Variants in HPSE2 observed in about 807,000 individuals in gnomAD.
The protein encoded by HPSE2 is heparanase 2 (inactive).
HPSE2 carries 38 observed loss-of-function variants against 60.5 expected under a neutral mutation model. The ratio of observed to expected loss-of-function variants is 0.63; its 90% CI spans 0.48 to 0.82. HPSE2 has a LOEUF of 0.82. HPSE2 is among the 40% of genes least tolerant of loss of function. The probability of loss-of-function intolerance (pLI) is 0.00; values close to 1 mark genes in which losing one functional copy is unlikely to be tolerated. For synonymous variants in HPSE2, 295 were observed against 293.2 expected (o/e 1.01, Z -0.06); for missense variants, 713 against 740.4 (o/e 0.96, Z 0.43).
intron 3 of HPSE2, among the ~76,000 whole-genome samples, chr10:99,119,397 A>G (rs1051815876): frequency 2.0e-5 from 3 of 152,218 alleles, no homozygotes; most frequent in Non-Finnish European, 4.4e-5. Context: ...GAGGTAAAAA[A>G]TCTCTATAAG....
intron 2 of HPSE2, among the ~76,000 whole-genome samples, chr10:99,171,712 T>C (rs982572180): frequency 5.9e-5 from 9 of 152,180 alleles, no homozygotes; most frequent in African/African-American, 1.4e-4. Flanking sequence ...TGGAAGTTAA[T>C]TGAATAATGG....
intron 3 of HPSE2, among the ~76,000 whole-genome samples, chr10:98,846,953 G>C (rs923560626): frequency 6.6e-6 from 1 of 152,118 alleles, no homozygotes. Context: ...GCAAATCAGA[G>C]GGTGTGTATA....
chr10:98,762,392 C>G (rs943615393), intron 3 of HPSE2, among the ~76,000 whole-genome samples: 3 of 151,840 alleles, frequency 2.0e-5, no homozygotes, highest in Non-Finnish European at 4.4e-5. Flanking sequence ...AGGAGAGAGA[C>G]AGAGAGAAAA....
intron 3 of HPSE2, among the ~76,000 whole-genome samples, chr10:98,988,010 GA>G (rs1183075374): frequency 2.6e-5 from 4 of 152,182 alleles, no homozygotes; most frequent in Non-Finnish European, 4.4e-5. Flanking sequence ...CAAACAAATG[GA>G]AGAACATTCC....
chr10:99,178,699 A>G (rs1005764528), intron 2 of HPSE2, among the ~76,000 whole-genome samples: 1 of 152,208 alleles, frequency 6.6e-6, no homozygotes, highest in Non-Finnish European at 1.5e-5. Context: ...TACAAAGAGG[A>G]GCTGGTACCA....
intron 3 of HPSE2, among the ~76,000 whole-genome samples, chr10:99,046,453 C>T (rs967679534): frequency 6.6e-6 from 1 of 151,926 alleles, no homozygotes; most frequent in Non-Finnish European, 1.5e-5. Flanking sequence ...TACTGTTATT[C>T]AACATAGTAC....
At chr10:98,484,517 G>A (rs1050053949) in intron 10 of HPSE2, among the ~76,000 whole-genome samples, 5 of 152,212 alleles carry the variant, frequency 3.3e-5, no homozygotes, top group Admixed American at 6.5e-5. Context: ...GATTACAGGC[G>A]TTAGACACCA....
At chr10:98,461,403 T>C (rs1045834212) in intron 11 of HPSE2, among the ~76,000 whole-genome samples, 2 of 146,494 alleles carry the variant, frequency 1.4e-5, no homozygotes, top group African/African-American at 5.1e-5. Context: ...AGGCATGGGG[T>C]GGGAGAATTG....
At position 98,742,976 on chromosome 10, in the gene HPSE2, T is replaced by TTA. The variant is rs199884154; in HGVS notation, c.784+906_784+907insTA. On this transcript the variant is annotated intron_variant, in intron 4 of 11. Transcript: ENST00000370552. Reference sequence around the variant, plus strand: ...CTTCTTTTTTTTCCTTTTCTTTTCTTTTTTTTTTTTTTTTTTGAGATGGAG... The same window carrying TTA: ...CTTCTTTTTTTTCCTTTTCTTTTCTTTATTTTTTTTTTTTTTTTGAGATGGAG... Among the ~76,000 whole-genome samples, 112 of 20,596 alleles carry TTA rather than the reference T, an allele frequency of 5.4e-3. 1 individual carries two copies. The highest frequency in any genetic ancestry group is 0.014 in the African/African-American group (95 of 6,562). The allele number at this position is 20,596 out of a possible 152,430, so 13.5% of individuals were successfully genotyped here.
chr10:98,489,478 T>C (rs1941562288), intron 10 of HPSE2, among the ~76,000 whole-genome samples: 1 of 152,222 alleles, frequency 6.6e-6, no homozygotes, highest in Admixed American at 6.5e-5. Context: ...ACTTAGCCTC[T>C]TAATTTTTAA....
chr10:99,170,982 G>A (rs890270505), intron 2 of HPSE2, among the ~76,000 whole-genome samples: 1 of 152,174 alleles, frequency 6.6e-6, no homozygotes, highest in Non-Finnish European at 1.5e-5. Flanking sequence ...ATTATTTGAA[G>A]TATACAGGAG....
intron 2 of HPSE2, among the ~76,000 whole-genome samples, chr10:99,204,471 G>T (rs530787399): frequency 6.6e-6 from 1 of 152,168 alleles, no homozygotes; most frequent in East Asian, 1.9e-4. Flanking sequence ...AAAATGCACA[G>T]ACATCAATGT....
At chr10:99,004,954 C>T (rs1466622241) in intron 3 of HPSE2, among the ~76,000 whole-genome samples, 1 of 152,182 alleles carries the variant, frequency 6.6e-6, no homozygotes, top group East Asian at 1.9e-4. Context: ...TCCTTTAGTA[C>T]TTTGAATATA....
chr10:99,061,905 G>T (rs11189953), intron 3 of HPSE2, among the ~76,000 whole-genome samples: 74,030 of 152,046 alleles, frequency 0.49, 20,392 homozygotes, highest in East Asian at 0.65. Flanking sequence ...GATAATTTTG[G>T]TTTTTTCCCC....
intron 3 of HPSE2, among the ~76,000 whole-genome samples, chr10:99,029,597 CAGAG>C (rs1038903052): frequency 1.3e-5 from 2 of 151,814 alleles, no homozygotes; most frequent in Admixed American, 6.6e-5. Flanking sequence ...GCAGCCAAGG[CAGAG>C]AGAGAGAGGA....
chr10:98,464,072 C>T (rs1057074489), intron 11 of HPSE2, among the ~76,000 whole-genome samples: 1 of 151,834 alleles, frequency 6.6e-6, no homozygotes, highest in Non-Finnish European at 1.5e-5. Context: ...AGCCAGACTG[C>T]ACCACTGCAC....
intron 3 of HPSE2, among the ~76,000 whole-genome samples, chr10:99,092,622 T>C (rs973502654): frequency 6.6e-6 from 1 of 152,220 alleles, no homozygotes; most frequent in East Asian, 1.9e-4. Context: ...TGGTACAGCA[T>C]GGTCTGAGGG....
chr10:98,562,714 CAAAAAA>C (rs34420790), intron 9 of HPSE2, among the ~76,000 whole-genome samples: 2 of 88,902 alleles, frequency 2.2e-5, no homozygotes, highest in Non-Finnish European at 2.4e-5. Flanking sequence ...GACTCTGTCT[CAAAAAA>C]AAAAAAAAAA....
chr10:99,079,670 A>G (rs1233094223), intron 3 of HPSE2, among the ~76,000 whole-genome samples: 1 of 151,852 alleles, frequency 6.6e-6, no homozygotes, highest in Non-Finnish European at 1.5e-5. Context: ...TCTAGTCTTT[A>G]GTGCACCTCC....
Sources: allele counts gnomAD v4.1 joint callset (sites outside exome capture counted in the v4.1 genomes callset), GRCh38; gene constraint gnomAD v4.1.1; transcripts MANE v1.5; gene names NCBI Gene and HGNC (gene_info 2026-07-23, HGNC 2026-07-21).